PHF2: variants seen among roughly 807,000 people sequenced by gnomAD.
The protein encoded by PHF2 is PHD finger protein 2, also known as lysine-specific demethylase PHF2.
Under a neutral mutation model 120.5 loss-of-function variants are expected in PHF2, and 27 were observed. The observed-to-expected ratio is 0.22, with a 90% CI of 0.17 to 0.31. PHF2 has a LOEUF of 0.31. PHF2 is among the 10% of genes least tolerant of loss of function. The pLI is 1.00. For missense variants in PHF2, 1,024 were observed against 1,434.8 expected (o/e 0.71, Z 4.63); for synonymous variants, 568 against 592.5 (o/e 0.96, Z 0.60).
At chr9:93,579,996 G>A (rs570843241) in intron 1 of PHF2, among the ~76,000 whole-genome samples, 2 of 152,346 alleles carry the variant, frequency 1.3e-5, no homozygotes, top group Admixed American at 6.5e-5. Context: ...TGGGGAGGGA[G>A]AATCGTTGTG....
At chr9:93,671,246 G>C in intron 17 of PHF2, 1 of 943,342 alleles carries the variant, frequency 1.1e-6, no homozygotes, top group Non-Finnish European at 1.3e-6. Flanking sequence ...GTAGGCACAG[G>C]TGTAGATGCA....
chr9:93,607,196 C>T (rs1376446841), intron 1 of PHF2, among the ~76,000 whole-genome samples: 3 of 152,206 alleles, frequency 2.0e-5, no homozygotes, highest in African/African-American at 7.2e-5. Flanking sequence ...GGGTCCTTTA[C>T]TTCTCCATGT....
chr9:93,629,877 A>G (rs1165025385), intron 1 of PHF2, 93 bp from the exon 2 acceptor site: 135 of 1,238,252 alleles, frequency 1.1e-4, no homozygotes, highest in Non-Finnish European at 1.6e-4. Flanking sequence ...GTTCCCAGAC[A>G]ATGAGCAGGG....
At chr9:93,673,555 G>A (rs752378246) in intron 17 of PHF2, 30 bp from the exon 18 acceptor site, 47 of 1,530,504 alleles carry the variant, frequency 3.1e-5, no homozygotes, top group Middle Eastern at 2.5e-4. Flanking sequence ...AAGAGCACTG[G>A]GCTGAGTGCC....
intron 1 of PHF2, among the ~76,000 whole-genome samples, chr9:93,601,612 G>T (rs1825439374): frequency 6.6e-6 from 1 of 152,158 alleles, no homozygotes; most frequent in African/African-American, 2.4e-5. Context: ...TGCTGCGAGG[G>T]TGTCTCCGTG....
At chr9:93,629,880 G>A (rs1230488182) in intron 1 of PHF2, 90 bp from the exon 2 acceptor site, 5 of 1,257,614 alleles carry the variant, frequency 4.0e-6, no homozygotes, top group Admixed American at 3.4e-5. Flanking sequence ...CCCAGACAAT[G>A]AGCAGGGATT....
intron 16 of PHF2, 78 bp from the exon 17 acceptor site, chr9:93,667,002 A>G: frequency 8.2e-7 from 1 of 1,219,184 alleles, no homozygotes. Flanking sequence ...GAAGGGAAAA[A>G]GTATCCTCCT....
At chr9:93,597,753 C>T (rs1825361996) in intron 1 of PHF2, among the ~76,000 whole-genome samples, 1 of 152,194 alleles carries the variant, frequency 6.6e-6, no homozygotes, top group African/African-American at 2.4e-5. Flanking sequence ...TGCTGAGCAC[C>T]TTTTCATGTG....
At chr9:93,644,046 G>A (rs1432619794) in intron 3 of PHF2, among the ~76,000 whole-genome samples, 2 of 151,986 alleles carry the variant, frequency 1.3e-5, no homozygotes, top group Non-Finnish European at 2.9e-5. Context: ...GCCACTGTCC[G>A]CACAGCAATG....
At chr9:93,615,407 G>C (rs1173620996) in intron 1 of PHF2, among the ~76,000 whole-genome samples, 1 of 152,188 alleles carries the variant, frequency 6.6e-6, no homozygotes, top group South Asian at 2.1e-4. Context: ...TGACGATGAT[G>C]ATGGTGATGA....
rs751282822 is a variant in PHF2 at position 93,652,290 on chromosome 9, C to CTTTT, written c.603-871_603-868dup. 1.1e-3 allele frequency among the ~76,000 whole-genome samples: 109 copies of CTTTT among 96,334 alleles called. 1 individual carries two copies. Among genetic ancestry groups the CTTTT allele is most frequent in the African/African-American group, 4.3e-3 (95 of 22,352 alleles). 63.2% of individuals were successfully genotyped at this position (96,334 alleles called of 152,430 possible). ...ACTGCACGGGTGCTGTTGAGCTTGA[C>CTTTT]TTTTTTTTTTTTTTTTTTTTTGGAG... On this transcript the variant is annotated intron_variant, in intron 5 of 21. Coordinates refer to ENST00000359246, the MANE Select transcript of PHF2 (RefSeq NM_005392.4).
intron 3 of PHF2, among the ~76,000 whole-genome samples, chr9:93,639,274 A>G (rs755965873): frequency 1.4e-4 from 21 of 152,322 alleles, no homozygotes; most frequent in Admixed American, 4.6e-4. Flanking sequence ...TTTTCAGAGT[A>G]TAAGTTTTAC....
intron 5 of PHF2, among the ~76,000 whole-genome samples, chr9:93,649,698 A>G (rs1186858336): frequency 6.6e-6 from 1 of 151,266 alleles, no homozygotes; most frequent in Non-Finnish European, 1.5e-5. Context: ...TGACACTCAC[A>G]CTGACTCATG....
At chr9:93,654,816 G>A (rs531571020) in intron 7 of PHF2, among the ~76,000 whole-genome samples, 4 of 152,322 alleles carry the variant, frequency 2.6e-5, no homozygotes, top group Admixed American at 6.5e-5. Flanking sequence ...GGCTTGTGTT[G>A]TCTCGTCAGC....
chr9:93,630,403 C>G (rs1181781819), intron 2 of PHF2, among the ~76,000 whole-genome samples: 2 of 152,196 alleles, frequency 1.3e-5, no homozygotes, highest in Non-Finnish European at 2.9e-5. Flanking sequence ...TCTAGGGGCC[C>G]CCAGCCTAGC....
At chr9:93,601,309 G>A (rs1465930934) in intron 1 of PHF2, among the ~76,000 whole-genome samples, 1 of 152,196 alleles carries the variant, frequency 6.6e-6, no homozygotes, top group Non-Finnish European at 1.5e-5. Context: ...AGTGGCAACT[G>A]TGTCAGAAAG....
chr9:93,593,105 A>AAAAAAG (rs1554790886), intron 1 of PHF2, among the ~76,000 whole-genome samples: 8 of 122,704 alleles, frequency 6.5e-5, no homozygotes, highest in Non-Finnish European at 9.8e-5. Context: ...AAAAAAAAAA[A>AAAAAAG]AAAAAAGAAA....
Position 93,656,707 on chromosome 9 carries a change from A to G in PHF2, c.1147+112A>G. ...GTGAGTGCCGCCTTCCTGTGGCCTGAGCAAGTCCTCTTGGGACTCAGACCC... is the reference window on the plus strand; with the variant it reads ...GTGAGTGCCGCCTTCCTGTGGCCTGGGCAAGTCCTCTTGGGACTCAGACCC... On this transcript the variant is annotated intron_variant, in intron 9 of 21. Coordinates refer to ENST00000359246, the MANE Select transcript of PHF2 (RefSeq NM_005392.4). This position sits in a 1 kb window ranked among gnomAD's most constrained non-coding sequence, Gnocchi z 4.1. The G allele has an allele frequency of 4.2e-6, 3 of 719,854 alleles. No homozygotes were observed. Among genetic ancestry groups the G allele is most frequent in the South Asian group, 1.6e-5 (1 of 61,606 alleles). The allele number at this position is 719,854 out of a possible 1,614,324, so 44.6% of individuals were successfully genotyped here. A position where few individuals can be genotyped will look rare whatever the true frequency, so the allele number is the denominator to read the frequency against.
rs145307172 is a variant in PHF2, at chr9:93,666,499, G to A, written c.2187+439G>A. 4.0e-3 allele frequency among the ~76,000 whole-genome samples: 603 copies of A among 152,324 alleles called. 7 individuals are homozygous for A. Among genetic ancestry groups the A allele is most frequent in the African/African-American group, 0.014 (590 of 41,560 alleles). Reference sequence around the variant, plus strand: ...ATGGTGCACAGTGTGAAGACAGTTTGGTCCTTTGTGGTTCTGAGAGAGCTT... The same window carrying A: ...ATGGTGCACAGTGTGAAGACAGTTTAGTCCTTTGTGGTTCTGAGAGAGCTT... On this transcript the variant is annotated intron_variant, in intron 16 of 21. Transcript: ENST00000359246.
Sources: gnomAD v4.1 joint callset for allele counts (sites outside exome capture counted in the v4.1 genomes callset) on GRCh38, gnomAD v4.1.1 for gene constraint, Gnocchi (gnomAD v3.1) non-coding constraint, MANE v1.5 for transcripts, NCBI Gene and HGNC (gene_info 2026-07-23, HGNC 2026-07-21) for gene names.